The following LARGE1 variants were observed in gnomAD, a reference collection of about 807,000 sequenced individuals.
LARGE1 encodes LARGE xylosyl- and glucuronyltransferase 1, also known as xylosyl- and glucuronyltransferase LARGE1.
Under a neutral mutation model 87.6 loss-of-function variants are expected in LARGE1, and 43 were observed. The ratio of observed to expected loss-of-function variants is 0.49; its 90% CI spans 0.38 to 0.63. The LOEUF is 0.63. Among genes scored for constraint, LARGE1 ranks in the 30% least tolerant of loss-of-function variants. The pLI, the probability that LARGE1 is intolerant of heterozygous loss-of-function variation, is 0.00. For missense variants in LARGE1, 802 were observed against 1,000.2 expected (o/e 0.80, Z 2.67); for synonymous variants, 434 against 394.6 (o/e 1.10, Z -1.18).
chr22:33,240,910 T>C (rs1926480854), intron 11 of LARGE1, among the ~76,000 whole-genome samples: 1 of 152,180 alleles, frequency 6.6e-6, no homozygotes, highest in Non-Finnish European at 1.5e-5. Context: ...TCAATACTAT[T>C]TCTTGCTTTG....
Position 33,381,854 on chromosome 22 carries a change from G to C in LARGE1, c.1131+65C>G, listed in dbSNP as rs868424047. 8.8e-6 allele frequency: 14 copies of C among 1,596,300 alleles called. No individual in the cohort carries two copies. In the African/African-American group the frequency reaches 1.5e-4, roughly 17 times the overall value. On this transcript the variant is annotated intron_variant, in intron 9 of 14. Coordinates refer to ENST00000397394, the MANE Select transcript of LARGE1 (RefSeq NM_133642.5). Reference sequence around the variant, plus strand: ...GCACATAAATCTCCCAGCCATCCATGCCCCTGGGAGGTCCTCTCGGCCCAC... The same window carrying C: ...GCACATAAATCTCCCAGCCATCCATCCCCCTGGGAGGTCCTCTCGGCCCAC...
At chr22:33,849,661 C>T (rs1433130380) in intron 1 of LARGE1, among the ~76,000 whole-genome samples, 1 of 129,564 alleles carries the variant, frequency 7.7e-6, no homozygotes, top group African/African-American at 3.1e-5. Flanking sequence ...TGCAGTGGTG[C>T]GATCTTGGCT....
At chr22:33,595,115 G>C (rs1047528772) in intron 5 of LARGE1, among the ~76,000 whole-genome samples, 3 of 152,124 alleles carry the variant, frequency 2.0e-5, no homozygotes, top group African/African-American at 7.2e-5. Context: ...GAGTTCTTGG[G>C]AGGACAGAAT....
chr22:33,695,368 T>C (rs2082212316), intron 2 of LARGE1, among the ~76,000 whole-genome samples: 1 of 152,188 alleles, frequency 6.6e-6, no homozygotes, highest in South Asian at 2.1e-4. Flanking sequence ...CCTCCCAAAG[T>C]GCTGGGATAC....
At chr22:33,799,804 A>G (rs1442030661) in intron 1 of LARGE1, among the ~76,000 whole-genome samples, 1 of 152,188 alleles carries the variant, frequency 6.6e-6, no homozygotes, top group Non-Finnish European at 1.5e-5. Context: ...GAGGAAGAAG[A>G]CTTTGTGTAT....
intron 9 of LARGE1, among the ~76,000 whole-genome samples, chr22:33,351,740 A>T (rs1940398149): frequency 7.3e-6 from 1 of 136,244 alleles, no homozygotes. Flanking sequence ...AAAGTATCAA[A>T]GGGAAAATTA....
chr22:33,693,756 G>A (rs2082166267), intron 2 of LARGE1, among the ~76,000 whole-genome samples: 1 of 152,074 alleles, frequency 6.6e-6, no homozygotes, highest in East Asian at 1.9e-4. Context: ...CCCCGGAGGC[G>A]GAAGTTGCAG....
At chr22:33,510,013 T>C (rs934259690) in intron 6 of LARGE1, among the ~76,000 whole-genome samples, 5 of 152,258 alleles carry the variant, frequency 3.3e-5, no homozygotes, top group Non-Finnish European at 5.9e-5. Flanking sequence ...CAAGAATGTG[T>C]GAGTACAATA....
chr22:33,582,713 C>A (rs900353705), intron 5 of LARGE1, among the ~76,000 whole-genome samples: 1 of 152,202 alleles, frequency 6.6e-6, no homozygotes, highest in Non-Finnish European at 1.5e-5. Context: ...GCTCCAAGCT[C>A]CAGGTGCTGG....
At chr22:33,607,227 C>T (rs1007410075) in intron 4 of LARGE1, among the ~76,000 whole-genome samples, 2 of 151,984 alleles carry the variant, frequency 1.3e-5, no homozygotes, top group African/African-American at 2.4e-5. Context: ...TTTGGGAGGC[C>T]GAGGTGGGCG....
At chr22:33,476,501 T>C (rs1569197856) in intron 6 of LARGE1, among the ~76,000 whole-genome samples, 1 of 152,234 alleles carries the variant, frequency 6.6e-6, no homozygotes, top group Non-Finnish European at 1.5e-5. Context: ...CTGTAAAATG[T>C]ATACAAGCAA....
chr22:33,545,677 G>C (rs2077342981), intron 6 of LARGE1, among the ~76,000 whole-genome samples: 1 of 152,146 alleles, frequency 6.6e-6, no homozygotes, highest in Non-Finnish European at 1.5e-5. Flanking sequence ...TACCTCAAGT[G>C]ATCTGTCTGC....
At chr22:33,073,073 C>G in the LARGE1 span, among the ~76,000 whole-genome samples, 7 of 152,316 alleles carry the variant, frequency 4.6e-5, no homozygotes, top group East Asian at 1.2e-3. Flanking sequence ...TGTCAACTCT[C>G]ATCCAATTTA....
intron 3 of LARGE1, among the ~76,000 whole-genome samples, chr22:33,641,921 G>C (rs1480682315): frequency 6.6e-6 from 1 of 152,156 alleles, no homozygotes; most frequent in Non-Finnish European, 1.5e-5. Flanking sequence ...GTACCTGAAA[G>C]TGACCGAGAG....
Position 33,745,941 on chromosome 22 carries a change from G to A in LARGE1, c.106+15430C>T, listed in dbSNP as rs142012219. On this transcript the variant is annotated intron_variant, in intron 2 of 14. Transcript: ENST00000397394. ...AGCGACCTTACATAGAAAAAAAAGA[G>A]ATCTAGAATCATACCCATTTAAGAA... 2.4e-3 allele frequency among the ~76,000 whole-genome samples: 367 copies of A among 152,284 alleles called. 1 individual carries two copies. Among genetic ancestry groups the A allele is most frequent in the African/African-American group, 8.5e-3 (352 of 41,544 alleles).
intron 2 of LARGE1, among the ~76,000 whole-genome samples, chr22:33,652,221 A>T (rs2080840441): frequency 6.6e-6 from 1 of 152,124 alleles, no homozygotes. Flanking sequence ...TGAGGCACAG[A>T]GACGATAAGC....
At chr22:33,872,922 C>T (rs958357496) in intron 1 of LARGE1, among the ~76,000 whole-genome samples, 39 of 152,194 alleles carry the variant, frequency 2.6e-4, no homozygotes, top group African/African-American at 8.9e-4. Flanking sequence ...ATTGCCTGAA[C>T]CCATGAGGTG....
At chr22:33,778,854 T>C (rs973150717) in intron 1 of LARGE1, among the ~76,000 whole-genome samples, 1 of 152,178 alleles carries the variant, frequency 6.6e-6, no homozygotes, top group East Asian at 1.9e-4. Flanking sequence ...TTTCCCCATG[T>C]TGGCCAGGCT....
At chr22:33,550,800 C>T (rs1192040370) in intron 6 of LARGE1, among the ~76,000 whole-genome samples, 6 of 152,156 alleles carry the variant, frequency 3.9e-5, no homozygotes, top group Admixed American at 3.9e-4. Flanking sequence ...ACCGACGTGC[C>T]CATCAATGGA....
Sources: allele counts gnomAD v4.1 joint callset (sites outside exome capture counted in the v4.1 genomes callset), GRCh38; gene constraint gnomAD v4.1.1; transcripts MANE v1.5; gene names NCBI Gene and HGNC (gene_info 2026-07-23, HGNC 2026-07-21).